UGT1A7: variants seen among roughly 807,000 people sequenced by gnomAD.
UGT1A7 encodes the protein UDP-glucuronosyltransferase 1A7.
Under a neutral mutation model 45.6 loss-of-function variants are expected in UGT1A7, and 33 were observed. The ratio of observed to expected loss-of-function variants is 0.72; its 90% CI spans 0.55 to 0.97. The LOEUF is 0.97. Among genes scored for constraint, UGT1A7 ranks in the 50% least tolerant of loss-of-function variants. UGT1A7 has a pLI of 0.00. For missense variants in UGT1A7, 684 were observed against 666.2 expected, an observed-to-expected ratio of 1.03 and a Z score of -0.29; for synonymous variants, 274 against 250.6, an observed-to-expected ratio of 1.09 and a Z score of -0.88.
intron 1 of UGT1A7, 44 bp downstream of exon 1, chr2:233,682,836 G>A: frequency 6.5e-7 from 1 of 1,546,838 alleles, no homozygotes; most frequent in South Asian, 1.3e-5. Context: ...ATCTGGCTTT[G>A]GAAATTAAAA....
At position 233,734,617 on chromosome 2, in the gene UGT1A7, T is replaced by G. The variant is rs143652933; in HGVS notation, c.856-32417T>G. On this transcript the variant is annotated intron_variant, in intron 1 of 4. Coordinates refer to ENST00000373426, the MANE Select transcript of UGT1A7 (RefSeq NM_019077.3). ...TTATTTGTGATGTTAGTGTGTTGATTTTAGATCTTTCCTGCTTTCTCCTGT... is the reference window on the plus strand; with the variant it reads ...TTATTTGTGATGTTAGTGTGTTGATGTTAGATCTTTCCTGCTTTCTCCTGT... 1.1e-4 allele frequency among the ~76,000 whole-genome samples: 16 copies of G among 152,330 alleles called. No individual in the cohort carries two copies. The East Asian group carries it at 1.3e-3, about 13-fold the overall frequency.
Position 233,769,638 on chromosome 2 carries a change from A to C in UGT1A7, c.1295+1199A>C. 1 of 1,610,122 alleles carries C rather than the reference A, an allele frequency of 6.2e-7. No homozygotes were observed. On this transcript the variant is annotated intron_variant, in intron 4 of 4. Transcript: ENST00000373426. This position sits in a 1 kb window ranked among gnomAD's most constrained non-coding sequence, Gnocchi z 4.4. ...CTTGAGCAAGGGACAACAGGGGAGGACTGATGACTGACTTCCCACCTTTGA... is the reference window on the plus strand; with the variant it reads ...CTTGAGCAAGGGACAACAGGGGAGGCCTGATGACTGACTTCCCACCTTTGA...
intron 1 of UGT1A7, chr2:233,743,982 C>G (rs6735370): frequency 4.6e-6 from 6 of 1,297,000 alleles, no homozygotes; most frequent in East Asian, 9.6e-5. Flanking sequence ...AGCACCCAGG[C>G]GCAGGCCCGA....
rs766438569 is a variant in UGT1A7, at chr2:233,729,630, T to G, written c.856-37404T>G. 4 of 1,613,982 alleles carry G rather than the reference T, an allele frequency of 2.5e-6. No homozygotes were observed. The South Asian group carries it at 4.4e-5, about 18-fold the overall frequency. ...TGCTGGCTAAGTACCTGTCGATTCCTACTGTGTTTTTTTTGAGGAACATTC... is the reference window on the plus strand; with the variant it reads ...TGCTGGCTAAGTACCTGTCGATTCCGACTGTGTTTTTTTTGAGGAACATTC... On this transcript the variant is annotated intron_variant, in intron 1 of 4. Transcript: ENST00000373426.
intron 1 of UGT1A7, among the ~76,000 whole-genome samples, chr2:233,763,988 T>A (rs1006624097): frequency 2.0e-5 from 3 of 152,194 alleles, no homozygotes; most frequent in African/African-American, 7.2e-5. Flanking sequence ...TGGGAATGCG[T>A]GATGGTGAAG....
intron 1 of UGT1A7, among the ~76,000 whole-genome samples, chr2:233,707,881 G>T (rs1356249907): frequency 6.6e-6 from 1 of 152,126 alleles, no homozygotes. Flanking sequence ...GATTGCTAAG[G>T]CATTAGTTAT....
chr2:233,761,973 C>T (rs557947533), intron 1 of UGT1A7, among the ~76,000 whole-genome samples: 2 of 152,314 alleles, frequency 1.3e-5, no homozygotes, highest in East Asian at 3.9e-4. Flanking sequence ...ACTGATATCA[C>T]CTTCGGAGGT....
At chr2:233,747,947 G>T in intron 1 of UGT1A7, 1 of 1,613,454 alleles carries the variant, frequency 6.2e-7, no homozygotes, top group Non-Finnish European at 8.5e-7. Flanking sequence ...AGGTGTCAGT[G>T]GTGGATCTTC....
At chr2:233,757,535 A>AATATATATACATATATATATATAT (rs376887521) in intron 1 of UGT1A7, among the ~76,000 whole-genome samples, 7 of 88,250 alleles carry the variant, frequency 7.9e-5, no homozygotes, top group Non-Finnish European at 1.1e-4. Flanking sequence ...GCCTGTAAGG[A>AATATATATACATATATATATATAT]ATATATATAT....
In UGT1A7 at chr2:233,741,128, AAC is replaced by A. The variant is rs200537082; in HGVS notation, c.856-25903_856-25902del. The stretch of plus-strand genomic sequence containing the variant: ...TCAAGCTTTACACTTCTATAAAAGC[AAC>A]ACTTTCCATTTATGACAGCACTAAT... On this transcript the variant is annotated intron_variant, in intron 1 of 4. Coordinates refer to ENST00000373426, the MANE Select transcript of UGT1A7 (RefSeq NM_019077.3). Among the ~76,000 whole-genome samples, 1,292 of 152,018 alleles carry A rather than the reference AAC, an allele frequency of 8.5e-3. 44 individuals carry two copies. The highest frequency in any genetic ancestry group is 0.053 in the Admixed American group (810 of 15,284).
At chr2:233,725,753 T>TA (rs1238799010) in intron 1 of UGT1A7, among the ~76,000 whole-genome samples, 1 of 152,188 alleles carries the variant, frequency 6.6e-6, no homozygotes, top group Non-Finnish European at 1.5e-5. Context: ...GTAAGAGACT[T>TA]ACATTTTCTT....
intron 1 of UGT1A7, among the ~76,000 whole-genome samples, chr2:233,728,304 C>A (rs2077697138): frequency 1.3e-5 from 2 of 152,312 alleles, no homozygotes; most frequent in African/African-American, 4.8e-5. Context: ...TCAGACTGTG[C>A]AAGATCTGAG....
At chr2:233,711,835 G>A (rs149400797) in intron 1 of UGT1A7, among the ~76,000 whole-genome samples, 51 of 152,330 alleles carry the variant, frequency 3.3e-4, no homozygotes, top group Non-Finnish European at 6.3e-4. Context: ...ACAAGGAGGC[G>A]TCAGCAATCT....
intron 1 of UGT1A7, among the ~76,000 whole-genome samples, chr2:233,709,354 A>G (rs1369898370): frequency 6.6e-6 from 1 of 152,210 alleles, no homozygotes; most frequent in African/African-American, 2.4e-5. Flanking sequence ...CTATTACTAT[A>G]TAGATTTTTC....
At chr2:233,766,826 T>G (rs1699252557) in intron 1 of UGT1A7, among the ~76,000 whole-genome samples, 1 of 152,230 alleles carries the variant, frequency 6.6e-6, no homozygotes, top group Non-Finnish European at 1.5e-5. Context: ...AGGATAATTC[T>G]GTAAGCAGGA....
At position 233,768,372 on chromosome 2, in the gene UGT1A7, C is replaced by A; in HGVS notation, c.1228C>A (p.Leu410Met). 1 of 1,614,130 alleles carries A rather than the reference C, an allele frequency of 6.2e-7. No homozygotes were observed. The highest frequency in any genetic ancestry group is 8.5e-7 in the Non-Finnish European group (1 of 1,180,038). The change falls in exon 4 of 5, where the codon CTG becomes ATG. Residue 410 changes from leucine (L) to methionine (M), a missense_variant. By Grantham distance (15) the Leu-to-Met change is conservative. Coordinates refer to ENST00000373426, the MANE Select transcript of UGT1A7 (RefSeq NM_019077.3). The part of the protein sequence containing the change: ...RMETKGAGVT[L>M]NVLEMTSEDL... ...GGAGACTAAGGGAGCTGGAGTGACC[C>A]TGAATGTTCTGGAAATGACTTCTGA...
At chr2:233,719,369 G>A (rs779205273) in intron 1 of UGT1A7, 113 of 1,613,764 alleles carry the variant, frequency 7.0e-5, no homozygotes, top group Non-Finnish European at 9.2e-5. Flanking sequence ...TAGACTTTAA[G>A]GGCACACAGT....
chr2:233,750,998 C>T (rs1414684238), intron 1 of UGT1A7, among the ~76,000 whole-genome samples: 1 of 151,782 alleles, frequency 6.6e-6, no homozygotes, highest in African/African-American at 2.4e-5. Context: ...GGCCACCATC[C>T]TCCAGAATCC....
rs776721160 is a variant in UGT1A7 at position 233,692,987 on chromosome 2, A to G, written c.855+10195A>G. The G allele has an allele frequency of 2.5e-6, 4 of 1,613,680 alleles. No individual in the cohort carries two copies. The Admixed American group carries it at 6.7e-5, about 27-fold the overall frequency. ...GTGAAAACTCTTTATTACCGTTGTT[A>G]CTTTAACTCTTTCCAGGATGGCCTG... On this transcript the variant is annotated intron_variant, in intron 1 of 4. Coordinates refer to ENST00000373426, the MANE Select transcript of UGT1A7 (RefSeq NM_019077.3).
Sources: gnomAD v4.1 joint callset for allele counts (sites outside exome capture counted in the v4.1 genomes callset) on GRCh38, gnomAD v4.1.1 for gene constraint, Gnocchi (gnomAD v3.1) non-coding constraint, MANE v1.5 for transcripts, NCBI Gene and HGNC (gene_info 2026-07-23, HGNC 2026-07-21) for gene names.